The following ATL2 variants were observed in gnomAD, a reference collection of about 807,000 sequenced individuals.
ATL2 encodes atlastin-2.
In ATL2, 31 loss-of-function variants were observed where a neutral mutation model predicts 73.9. The observed-to-expected ratio is 0.42, with a 90% CI of 0.32 to 0.57. The LOEUF (loss-of-function observed/expected upper bound fraction) is 0.57, where lower values mean the gene tolerates loss of function less well. ATL2 is among the 20% of genes least tolerant of loss of function. The pLI, the probability that ATL2 is intolerant of heterozygous loss-of-function variation, is 0.14. For missense variants in ATL2, 738 were observed against 702.6 expected, an observed-to-expected ratio of 1.05 and a Z score of -0.57; for synonymous variants, 291 against 237.5, an observed-to-expected ratio of 1.23 and a Z score of -2.07.
intron 2 of ATL2, among the ~76,000 whole-genome samples, chr2:38,320,101 C>T (rs936735586): frequency 6.6e-6 from 1 of 152,032 alleles, no homozygotes; most frequent in Non-Finnish European, 1.5e-5. Context: ...AGCGAAACTG[C>T]GTCTCAAAAA....
intron 2 of ATL2, among the ~76,000 whole-genome samples, chr2:38,323,999 G>A (rs1287171693): frequency 1.3e-5 from 2 of 152,220 alleles, no homozygotes; most frequent in African/African-American, 4.8e-5. Context: ...CAAGTGGGCC[G>A]GTAAGGTGGC....
intron 1 of ATL2, among the ~76,000 whole-genome samples, chr2:38,369,543 C>T (rs958985588): frequency 4.0e-5 from 6 of 151,614 alleles, no homozygotes; most frequent in African/African-American, 1.5e-4. Context: ...GCCTTAGCCT[C>T]CCAAAGTGCT....
At chr2:38,324,027 G>A (rs1440447145) in intron 2 of ATL2, among the ~76,000 whole-genome samples, 1 of 152,240 alleles carries the variant, frequency 6.6e-6, no homozygotes, top group Admixed American at 6.5e-5. Context: ...TGTAATCCCA[G>A]CACTTTGGGA....
chr2:38,348,326 A>AAC (rs772063274), intron 1 of ATL2, among the ~76,000 whole-genome samples: 1 of 151,664 alleles, frequency 6.6e-6, no homozygotes, highest in Non-Finnish European at 1.5e-5. Flanking sequence ...ATTAGCCAGG[A>AAC]GTGGTGTTGC....
At chr2:38,364,911 G>T (rs997097153) in intron 1 of ATL2, among the ~76,000 whole-genome samples, 1 of 152,148 alleles carries the variant, frequency 6.6e-6, no homozygotes, top group African/African-American at 2.4e-5. Context: ...ATGCGTGGTG[G>T]CACACGCCTG....
chr2:38,313,997 G>A (rs556246485), intron 6 of ATL2, among the ~76,000 whole-genome samples: 1 of 152,258 alleles, frequency 6.6e-6, no homozygotes, highest in African/African-American at 2.4e-5. Flanking sequence ...GACCATACTA[G>A]CCAGACAAGA....
chr2:38,370,965 A>G lies in ATL2; in HGVS notation c.118+6178T>C, dbSNP rs555636866. 3.1e-4 allele frequency among the ~76,000 whole-genome samples: 47 copies of G among 150,250 alleles called. No homozygotes were observed. The East Asian group carries it at 4.1e-3, about 13-fold the overall frequency. ...AAGGCTAGCCCCTATCTCGGGGGGG[A>G]AAAAAATAAGGAAAAAAATACAAAA... On this transcript the variant is annotated intron_variant, in intron 1 of 12. Transcript: ENST00000378954.
At chr2:38,334,644 G>A (rs543894866) in intron 2 of ATL2, among the ~76,000 whole-genome samples, 1 of 151,264 alleles carries the variant, frequency 6.6e-6, no homozygotes, top group Non-Finnish European at 1.5e-5. Flanking sequence ...GTTGCGGTGA[G>A]CCAAGATCGC....
chr2:38,322,379 G>A (rs1159810069), intron 2 of ATL2, among the ~76,000 whole-genome samples: 2 of 152,142 alleles, frequency 1.3e-5, no homozygotes, highest in African/African-American at 4.8e-5. Flanking sequence ...ACAGAGAAGT[G>A]TGCCTGGCTT....
At chr2:38,373,953 A>G (rs1671825320) in intron 1 of ATL2, among the ~76,000 whole-genome samples, 1 of 152,144 alleles carries the variant, frequency 6.6e-6, no homozygotes. Flanking sequence ...GTGCAATGGC[A>G]TGATCTCGGC....
At position 38,294,054 on chromosome 2, in the gene ATL2, CAG is replaced by C. The variant is rs1666750340; in HGVS notation, c.*1938_*1939del. Among the ~76,000 whole-genome samples the C allele has an allele frequency of 6.6e-6, 1 of 152,282 alleles. No homozygotes were observed. The highest frequency in any genetic ancestry group is 2.1e-4 in the South Asian group (1 of 4,832). ...AAAACAGTCCACAGCATTCATAAAA[CAG>C]GGTGGCAGAAGAAATAAAAAGACAC... is the stretch of plus-strand genomic sequence containing the variant. On this transcript the variant is annotated 3_prime_UTR_variant, in exon 13 of 13. Transcript: ENST00000378954.
chr2:38,350,291 G>A (rs1670263762), intron 1 of ATL2, among the ~76,000 whole-genome samples: 1 of 152,094 alleles, frequency 6.6e-6, no homozygotes, highest in Non-Finnish European at 1.5e-5. Context: ...GGTCTTTCAA[G>A]GTCAAAGCTA....
chr2:38,356,742 A>G (rs1258911943), intron 1 of ATL2, among the ~76,000 whole-genome samples: 1 of 152,228 alleles, frequency 6.6e-6, no homozygotes, highest in Non-Finnish European at 1.5e-5. Flanking sequence ...ATAAAATTAA[A>G]TAAAACTGAA....
chr2:38,369,316 G>A (rs78593088), intron 1 of ATL2, among the ~76,000 whole-genome samples: 1 of 151,904 alleles, frequency 6.6e-6, no homozygotes, highest in African/African-American at 2.4e-5. Flanking sequence ...TGGGCGTGGT[G>A]GCACATGCCT....
chr2:38,318,450 G>A (rs1357147886), intron 4 of ATL2, 85 bp downstream of exon 4: 10 of 1,016,636 alleles, frequency 9.8e-6, no homozygotes, highest in African/African-American at 3.3e-5. Context: ...TGGGCAACAA[G>A]AGTGAAACTC....
chr2:38,295,157 A>G lies in ATL2; in HGVS notation c.*837T>C, dbSNP rs760757403. 2 of 152,214 alleles carry G rather than the reference A, an allele frequency of 1.3e-5. No homozygotes were observed. Among genetic ancestry groups the G allele is most frequent in the South Asian group, 2.1e-4 (1 of 4,838 alleles). 9.4% of individuals were successfully genotyped at this position (152,214 alleles called of 1,614,324 possible). A position where few individuals can be genotyped will look rare whatever the true frequency, so the allele number is the denominator to read the frequency against. ...CTACCACAGGACCAGATTTTGCCAT[A>G]AACTACAAAACTTTTAATACAAAAT... On this transcript the variant is annotated 3_prime_UTR_variant, in exon 13 of 13. Coordinates refer to ENST00000378954, the MANE Select transcript of ATL2 (RefSeq NM_001135673.4).
intron 1 of ATL2, among the ~76,000 whole-genome samples, chr2:38,360,226 G>A (rs1670929261): frequency 6.7e-6 from 1 of 150,312 alleles, no homozygotes; most frequent in Non-Finnish European, 1.5e-5. Context: ...AGCTAGTCAG[G>A]AGATTCTAGA....
chr2:38,315,287 C>T lies in ATL2; in HGVS notation c.651G>A (p.Leu217=), dbSNP rs769296037. 2 of 1,486,276 alleles carry T rather than the reference C, an allele frequency of 1.3e-6. No individual in the cohort carries two copies. Among genetic ancestry groups the T allele is most frequent in the East Asian group, 2.7e-5 (1 of 36,582 alleles). The allele number at this position is 1,486,276 out of a possible 1,614,324, so 92.1% of individuals were successfully genotyped here. Residue 217 remains leucine (L), a synonymous_variant, in exon 5 of 13, where the codon TTG becomes TTA. Coordinates refer to ENST00000378954, the MANE Select transcript of ATL2 (RefSeq NM_001135673.4). ...QNIQEDDLQH[L]QLFTEYGRLA... ...AATTAAAAAAAGAAATACGTACTTG[C>T]AAATGTTGAAGATCATCTTCTTGAA...
Position 38,314,599 on chromosome 2 carries a change from CTTTT to C in ATL2, c.711+5_711+8del. ...GCTAATCTTTAAAATGTTAGAATAA[CTTTT>C]TTACCTGAAATGGTTTCTGGTAGAT... On this transcript the variant is annotated splice_donor_5th_base_variant and intron_variant, in intron 6 of 12. Coordinates refer to ENST00000378954, the MANE Select transcript of ATL2 (RefSeq NM_001135673.4). The C allele has an allele frequency of 6.3e-7, 1 of 1,589,290 alleles. No homozygotes were observed.
Sources: allele counts gnomAD v4.1 joint callset (sites outside exome capture counted in the v4.1 genomes callset), GRCh38; gene constraint gnomAD v4.1.1; transcripts MANE v1.5; gene names NCBI Gene and HGNC (gene_info 2026-07-23, HGNC 2026-07-21).